Variants in NLGN1 observed in about 807,000 individuals in gnomAD.
NLGN1 encodes the protein neuroligin 1.
In NLGN1, 12 loss-of-function variants were observed where a neutral mutation model predicts 65.5. The ratio of observed to expected loss-of-function variants is 0.18; its 90% CI spans 0.12 to 0.30. The LOEUF (loss-of-function observed/expected upper bound fraction) is 0.30, where lower values mean the gene tolerates loss of function less well. Ranked by LOEUF, NLGN1 falls within the 10% of genes least tolerant of loss-of-function variation. NLGN1 has a pLI of 1.00. For missense variants in NLGN1, 750 were observed against 1,007.1 expected (o/e 0.74, Z 3.46); for synonymous variants, 350 against 359.5 (o/e 0.97, Z 0.30).
At chr3:173,607,901 A>G (rs1048545367) in intron 3 of NLGN1, among the ~76,000 whole-genome samples, 2 of 151,520 alleles carry the variant, frequency 1.3e-5, no homozygotes, top group African/African-American at 4.8e-5. Context: ...TTATTCTTTT[A>G]TTATGTATGG....
chr3:173,523,217 GT>G (rs1262535955), intron 2 of NLGN1, among the ~76,000 whole-genome samples: 1 of 151,566 alleles, frequency 6.6e-6, no homozygotes, highest in Non-Finnish European at 1.5e-5. Flanking sequence ...TCTGTTCACT[GT>G]GTCGAATATT....
chr3:173,795,227 T>A (rs757027793), intron 3 of NLGN1, among the ~76,000 whole-genome samples: 2 of 152,088 alleles, frequency 1.3e-5, no homozygotes, highest in African/African-American at 2.4e-5. Context: ...ATATGGATTC[T>A]TTTTTTAAAT....
chr3:174,188,111 G>A (rs1278464741), intron 4 of NLGN1, among the ~76,000 whole-genome samples: 2 of 152,064 alleles, frequency 1.3e-5, no homozygotes, highest in Non-Finnish European at 2.9e-5. Flanking sequence ...ATCAAAGAGT[G>A]TAGCGCTTCA....
intron 2 of NLGN1, among the ~76,000 whole-genome samples, chr3:173,479,987 C>A (rs1049639716): frequency 2.0e-5 from 3 of 151,900 alleles, no homozygotes; most frequent in African/African-American, 7.3e-5. Flanking sequence ...TTGAAGAGAA[C>A]CAGAAAGAAA....
chr3:173,906,878 C>CAAAAAAAAAAAAAAAAAAAAAAAAAAAA (rs1224471514), intron 4 of NLGN1, among the ~76,000 whole-genome samples: 1 of 88,268 alleles, frequency 1.1e-5, no homozygotes, highest in Non-Finnish European at 2.4e-5. Context: ...CAAACAAAAA[C>CAAAAAAAAAAAAAAAAAAAAAAAAAAAA]AAAAAAAAAA....
At chr3:173,562,051 G>T (rs1444233995) in intron 2 of NLGN1, among the ~76,000 whole-genome samples, 1 of 152,110 alleles carries the variant, frequency 6.6e-6, no homozygotes, top group Non-Finnish European at 1.5e-5. Context: ...TTTAGATGGT[G>T]GGGAAGCATG....
At chr3:173,916,590 A>G (rs1740774781) in intron 4 of NLGN1, among the ~76,000 whole-genome samples, 2 of 152,186 alleles carry the variant, frequency 1.3e-5, no homozygotes. Context: ...TAGCAATTTC[A>G]GTAGAATGAC....
intron 2 of NLGN1, among the ~76,000 whole-genome samples, chr3:173,491,951 C>T (rs920306779): frequency 2.0e-5 from 3 of 151,684 alleles, no homozygotes; most frequent in Non-Finnish European, 4.4e-5. Context: ...CTTAATGTGA[C>T]CCACCTGTGA....
chr3:173,795,186 T>A (rs1250395907), intron 3 of NLGN1, among the ~76,000 whole-genome samples: 1 of 152,116 alleles, frequency 6.6e-6, no homozygotes, highest in Admixed American at 6.6e-5. Context: ...TTGTCATGAA[T>A]GACAGAGCAC....
chr3:174,093,762 T>C (rs1744956276), intron 4 of NLGN1, among the ~76,000 whole-genome samples: 1 of 152,224 alleles, frequency 6.6e-6, no homozygotes, highest in Non-Finnish European at 1.5e-5. Flanking sequence ...GCAATCCTTT[T>C]AGCCAATGTC....
chr3:173,473,268 A>C (rs757123375), intron 2 of NLGN1, among the ~76,000 whole-genome samples: 1 of 152,242 alleles, frequency 6.6e-6, no homozygotes, highest in Non-Finnish European at 1.5e-5. Context: ...TTTTGATAAT[A>C]CTGCAAGTTG....
intron 4 of NLGN1, among the ~76,000 whole-genome samples, chr3:173,845,557 T>C (rs1309510145): frequency 1.3e-5 from 2 of 151,328 alleles, no homozygotes; most frequent in African/African-American, 4.8e-5. Flanking sequence ...GATAGATGGA[T>C]AGATAGATAG....
At chr3:173,478,768 C>A (rs990909370) in intron 2 of NLGN1, among the ~76,000 whole-genome samples, 1 of 151,816 alleles carries the variant, frequency 6.6e-6, no homozygotes, top group African/African-American at 2.4e-5. Context: ...TAAAAATAAT[C>A]CCAGCTACTC....
chr3:173,712,892 T>C lies in NLGN1; in HGVS notation c.494-94788T>C, dbSNP rs546318917. 1.5e-4 allele frequency among the ~76,000 whole-genome samples: 23 copies of C among 152,068 alleles called. No individual in the cohort carries two copies. In the South Asian group the frequency reaches 4.4e-3, roughly 29 times the overall value. ...AGGTTGGTTGGGGTACAGAAAAATA[T>C]AAAAGAGCAAGAAAAAATTAATAAG... On this transcript the variant is annotated intron_variant, in intron 3 of 6. Transcript: ENST00000457714.
chr3:173,857,883 A>T (rs1284162756), intron 4 of NLGN1, among the ~76,000 whole-genome samples: 6 of 138,068 alleles, frequency 4.3e-5, no homozygotes, highest in African/African-American at 1.7e-4. Flanking sequence ...TAGGAAGAGA[A>T]CTATTTCATT....
Position 173,500,186 on chromosome 3 carries a change from G to T in NLGN1, c.-321+65108G>T, listed in dbSNP as rs910130371. Among the ~76,000 whole-genome samples the T allele has an allele frequency of 2.0e-5, 3 of 152,050 alleles. No homozygotes were observed. The South Asian group carries it at 6.2e-4, about 32-fold the overall frequency. ...CCATTCATTATGATACTGGCTGTGG[G>T]TTTGTCATAGATAGCTCTTATTATT... On this transcript the variant is annotated intron_variant, in intron 2 of 6. Coordinates refer to ENST00000457714, the Ensembl canonical transcript of NLGN1.
chr3:174,001,938 C>T (rs944777340), intron 4 of NLGN1, among the ~76,000 whole-genome samples: 1 of 151,364 alleles, frequency 6.6e-6, no homozygotes, highest in Non-Finnish European at 1.5e-5. Flanking sequence ...AGCTGCACTT[C>T]GGAAACTCTG....
At chr3:173,840,959 T>C (rs952818115) in intron 4 of NLGN1, among the ~76,000 whole-genome samples, 1 of 152,160 alleles carries the variant, frequency 6.6e-6, no homozygotes, top group African/African-American at 2.4e-5. Context: ...CCTCATTTCT[T>C]CCAGAATCCC....
chr3:174,075,535 A>G (rs1419208312), intron 4 of NLGN1, among the ~76,000 whole-genome samples: 6 of 152,186 alleles, frequency 3.9e-5, no homozygotes, highest in Admixed American at 3.9e-4. Flanking sequence ...CCAACCTGAC[A>G]GTACGACTTG....
Sources: gnomAD v4.1 joint callset for allele counts (sites outside exome capture counted in the v4.1 genomes callset) on GRCh38, gnomAD v4.1.1 for gene constraint, MANE v1.5 for transcripts, NCBI Gene and HGNC (gene_info 2026-07-23, HGNC 2026-07-21) for gene names.